Variants in CREB5 observed in about 807,000 individuals in gnomAD.
The protein encoded by CREB5 is cAMP responsive element binding protein 5, also known as cyclic AMP-responsive element-binding protein 5.
Under a neutral mutation model 57.1 loss-of-function variants are expected in CREB5, and 19 were observed. The observed-to-expected ratio is 0.33, with a 90% CI of 0.23 to 0.49. CREB5 has a LOEUF of 0.49. Among genes scored for constraint, CREB5 ranks in the 20% least tolerant of loss-of-function variants. CREB5 has a pLI of 0.99. For missense variants in CREB5, 579 were observed against 671.6 expected (o/e 0.86, Z 1.52); for synonymous variants, 238 against 238.3 (o/e 1.00, Z 0.01).
At chr7:28,578,540 G>T (rs568565435) in intron 5 of CREB5, among the ~76,000 whole-genome samples, 1 of 152,184 alleles carries the variant, frequency 6.6e-6, no homozygotes, top group East Asian at 1.9e-4. Context: ...GATTGAACAC[G>T]TCCAAGTAAT....
chr7:28,513,340 A>C (rs919653092), intron 4 of CREB5: 2 of 152,196 alleles, frequency 1.3e-5, no homozygotes, highest in Admixed American at 1.3e-4. Context: ...CCCCAGAAGT[A>C]TGGAGAAAAA....
chr7:28,718,619 C>T, intron 5 of CREB5, 134 bp from the exon 6 acceptor site: 1 of 1,217,800 alleles, frequency 8.2e-7, no homozygotes, highest in South Asian at 1.6e-5. Context: ...CTAATATCCT[C>T]AATTATGTGA....
intron 4 of CREB5, among the ~76,000 whole-genome samples, chr7:28,555,109 T>TTGTGTGTGTGTG (rs58647223): frequency 0.028 from 4,224 of 148,682 alleles, 79 homozygotes; most frequent in African/African-American, 0.044. Flanking sequence ...ATAAGCTGCA[T>TTGTGTGTGTGTG]TGTGTGTGTG....
At chr7:28,521,688 C>A (rs556817569) in intron 4 of CREB5, among the ~76,000 whole-genome samples, 1 of 152,246 alleles carries the variant, frequency 6.6e-6, no homozygotes, top group South Asian at 2.1e-4. Context: ...CATGTATATG[C>A]CAATCTTACT....
chr7:28,819,593 C>T lies in CREB5; in HGVS notation c.*314C>T. 4.7e-6 allele frequency: 1 copy of T among 213,308 alleles called. No homozygotes were observed. The highest frequency in any genetic ancestry group is 1.8e-3 in the Middle Eastern group (1 of 548). The allele number at this position is 213,308 out of a possible 1,614,324, so 13.2% of individuals were successfully genotyped here. A position where few individuals can be genotyped will look rare whatever the true frequency, so the allele number is the denominator to read the frequency against. On this transcript the variant is annotated 3_prime_UTR_variant, in exon 11 of 11. Coordinates refer to ENST00000357727, the MANE Select transcript of CREB5 (RefSeq NM_182898.4). ...ATGGTTTCATTCTTATCAGTCCAAC[C>T]CTTTGCCTGAAACATTGAATCTTGT...
intron 1 of CREB5, among the ~76,000 whole-genome samples, chr7:28,313,152 G>T (rs565995658): frequency 6.6e-6 from 1 of 152,102 alleles, no homozygotes; most frequent in Non-Finnish European, 1.5e-5. Context: ...TAGTATGTAC[G>T]CAGCTGTTAT....
chr7:28,367,275 T>C (rs1786606684), intron 1 of CREB5, among the ~76,000 whole-genome samples: 1 of 152,146 alleles, frequency 6.6e-6, no homozygotes, highest in Admixed American at 6.5e-5. Flanking sequence ...GAGTCGTACA[T>C]ACAACCTCAA....
intron 7 of CREB5, among the ~76,000 whole-genome samples, chr7:28,748,387 T>C (rs556402300): frequency 3.8e-4 from 58 of 152,266 alleles, no homozygotes; most frequent in African/African-American, 1.3e-3. Flanking sequence ...GGAAGAACAA[T>C]GTGTGGGCAA....
chr7:28,475,250 CTTTTTTTTTTTTTTTTTTT>C (rs530903709), intron 1 of CREB5, among the ~76,000 whole-genome samples: 9 of 59,582 alleles, frequency 1.5e-4, no homozygotes, highest in Non-Finnish European at 2.0e-4. Context: ...TCAGAAGTTT[CTTTTTTTTTTTTTTTTTTT>C]TTTTTTTTTT....
At chr7:28,667,383 A>C (rs75652821) in intron 5 of CREB5, among the ~76,000 whole-genome samples, 2,768 of 151,740 alleles carry the variant, frequency 0.018, 72 homozygotes, top group African/African-American at 0.056. Flanking sequence ...AGGGTGTTCA[A>C]ATTTTTAAAG....
chr7:28,672,488 C>T (rs1800100197), intron 5 of CREB5, among the ~76,000 whole-genome samples: 1 of 151,934 alleles, frequency 6.6e-6, no homozygotes, highest in Non-Finnish European at 1.5e-5. Context: ...TATTTGGTTA[C>T]AAAAACATCA....
chr7:28,689,243 G>C lies in CREB5; in HGVS notation c.465-29510G>C, dbSNP rs534572647. Among the ~76,000 whole-genome samples the C allele has an allele frequency of 7.2e-5, 11 of 152,220 alleles. 1 individual carries two copies. In the South Asian group the frequency reaches 2.1e-3, roughly 29 times the overall value. On this transcript the variant is annotated intron_variant, in intron 5 of 10. Coordinates refer to ENST00000357727, the MANE Select transcript of CREB5 (RefSeq NM_182898.4). ...TGTAATCCCAGCACTTTGGGAGGCC[G>C]AGGTGGGTGGGTCAGGAGATCGAGA...
intron 4 of CREB5, among the ~76,000 whole-genome samples, chr7:28,561,005 CGTGTGTGTGTGCGTGTGTGCGTGTGTGT>C (rs1165723333): frequency 1.5e-4 from 4 of 26,924 alleles, no homozygotes; most frequent in African/African-American, 3.8e-4. Flanking sequence ...CCTGCGTGTG[CGTGTGTGTGTGCGTGTGTGCGTGTGTGT>C]GTGTGTGTGT....
Position 28,804,512 on chromosome 7 carries a change from A to C in CREB5, c.1016A>C (p.Asn339Thr). ...TSPHPPLHTGNQAQVSPATQQ... is the reference protein window; with the variant it reads ...TSPHPPLHTGTQAQVSPATQQ... ...CCACATCCGCCCCTGCACACCGGCA[A>C]CCAAGCACAGGTAGACCTTTTCCGT... Residue 339 changes from asparagine to threonine, a missense_variant, in exon 8 of 11, where the codon AAC becomes ACC. Transcript: ENST00000357727. 1 of 1,613,854 alleles carries C rather than the reference A, an allele frequency of 6.2e-7. No homozygotes were observed. The highest frequency in any genetic ancestry group is 8.5e-7 in the Non-Finnish European group (1 of 1,179,838).
chr7:28,775,249 A>T (rs951654469), intron 7 of CREB5, among the ~76,000 whole-genome samples: 18 of 152,028 alleles, frequency 1.2e-4, no homozygotes, highest in African/African-American at 3.4e-4. Context: ...TGCCTGTTGA[A>T]ATTCTGACTC....
At chr7:28,429,500 G>A (rs747014579) in intron 1 of CREB5, among the ~76,000 whole-genome samples, 6 of 152,066 alleles carry the variant, frequency 3.9e-5, no homozygotes, top group Admixed American at 2.6e-4. Flanking sequence ...TTGATGCGTC[G>A]CACCTCCTTT....
chr7:28,621,054 G>A (rs1797772436), intron 5 of CREB5, among the ~76,000 whole-genome samples: 1 of 152,126 alleles, frequency 6.6e-6, no homozygotes, highest in African/African-American at 2.4e-5. Flanking sequence ...GGCCTAATAT[G>A]GCAGCATCTC....
chr7:28,756,856 C>T (rs2128767057), intron 7 of CREB5, among the ~76,000 whole-genome samples: 1 of 152,232 alleles, frequency 6.6e-6, no homozygotes, highest in Admixed American at 6.5e-5. Flanking sequence ...GAGAGAGAGG[C>T]AGAGAGAGAT....
At chr7:28,704,321 C>T (rs1422712767) in intron 5 of CREB5, among the ~76,000 whole-genome samples, 1 of 152,174 alleles carries the variant, frequency 6.6e-6, no homozygotes, top group Non-Finnish European at 1.5e-5. Context: ...ATGTTACTTG[C>T]ACTCAGAGAT....
Sources: allele counts gnomAD v4.1 joint callset (sites outside exome capture counted in the v4.1 genomes callset), GRCh38; gene constraint gnomAD v4.1.1; transcripts MANE v1.5; gene names NCBI Gene and HGNC (gene_info 2026-07-23, HGNC 2026-07-21).